Variants in APOL5 observed in about 807,000 individuals in gnomAD.
APOL5 encodes the protein apolipoprotein L5, also known as apolipoprotein L, 5.
Under a neutral mutation model 35.5 loss-of-function variants are expected in APOL5, and 29 were observed. The observed-to-expected ratio is 0.82, with a 90% CI of 0.61 to 1.11. APOL5 has a LOEUF of 1.11. APOL5 is among the 50% of genes most tolerant of loss of function. The pLI is 0.00. For synonymous variants in APOL5, 188 were observed against 200.2 expected (o/e 0.94, Z 0.51); for missense variants, 514 against 530.4 (o/e 0.97, Z 0.30).
At chr22:35,716,347 A>G (rs992886300), upstream of APOL5, among the ~76,000 whole-genome samples, 5 of 152,232 alleles carry the variant, frequency 3.3e-5, no homozygotes, top group Non-Finnish European at 7.3e-5. Context: ...ATCTCAGCTC[A>G]CTGCAACCTC....
At chr22:35,717,235 A>AAAAAAAATATATATATATATATATATAT, upstream of APOL5, among the ~76,000 whole-genome samples, 1 of 57,660 alleles carries the variant, frequency 1.7e-5, no homozygotes, top group African/African-American at 8.0e-5. Context: ...AAAAAAAAAA[A>AAAAAAAATATATATATATATATATATAT]ATATATATAT....
At chr22:35,714,704 G>C (rs934462286), upstream of APOL5, among the ~76,000 whole-genome samples, 3 of 152,182 alleles carry the variant, frequency 2.0e-5, no homozygotes, top group Non-Finnish European at 4.4e-5. Context: ...CAGGGTGTCC[G>C]ACTGAGAAGA....
intron 3 of APOL5, among the ~76,000 whole-genome samples, chr22:35,727,789 A>G (rs1446620948): frequency 6.6e-6 from 1 of 152,242 alleles, no homozygotes; most frequent in Non-Finnish European, 1.5e-5. Flanking sequence ...CGGCACTTCA[A>G]ATGAGTTGGG....
At chr22:35,727,740 C>G (rs1927220341) in intron 3 of APOL5, among the ~76,000 whole-genome samples, 1 of 152,186 alleles carries the variant, frequency 6.6e-6, no homozygotes, top group Non-Finnish European at 1.5e-5. Flanking sequence ...GCCGGAAATA[C>G]GTGTTGAATG....
At chr22:35,725,113 T>G (rs1927105026) in intron 2 of APOL5, among the ~76,000 whole-genome samples, 1 of 152,174 alleles carries the variant, frequency 6.6e-6, no homozygotes, top group Admixed American at 6.5e-5. Flanking sequence ...TGGGTTCATT[T>G]TGCCCTCTGC....
In APOL5 at chr22:35,726,320, A is replaced by T. The variant is rs151115935; in HGVS notation, c.252A>T (p.Arg84=). 4.3e-5 allele frequency: 70 copies of T among 1,614,076 alleles called. No individual in the cohort carries two copies. The highest frequency in any genetic ancestry group is 5.6e-5 in the Non-Finnish European group (66 of 1,180,042). ...ACTTTCTGTTTGAAGAGCTGATGCGATGTGACAAAGATTCCATGCCAGATG... is the reference window on the plus strand; with the variant it reads ...ACTTTCTGTTTGAAGAGCTGATGCGTTGTGACAAAGATTCCATGCCAGATG... ...LSYFLFEELM[R]CDKDSMPDGN... The change falls in exon 3 of 5, where the codon CGA becomes CGT. Residue 84 remains arginine (R), a synonymous_variant. Transcript: ENST00000249044.
At chr22:35,718,593 CAAAAAAAAA>C (rs58513283) in intron 1 of APOL5, among the ~76,000 whole-genome samples, 3 of 97,052 alleles carry the variant, frequency 3.1e-5, no homozygotes, top group Middle Eastern at 5.0e-3. Flanking sequence ...GACCCCGTCT[CAAAAAAAAA>C]AAAAAAAAAA....
At chr22:35,723,092 T>C (rs959568482) in intron 2 of APOL5, among the ~76,000 whole-genome samples, 1 of 152,152 alleles carries the variant, frequency 6.6e-6, no homozygotes, top group African/African-American at 2.4e-5. Context: ...CCAGGGCTGG[T>C]CCACTTGAGG....
intron 2 of APOL5, among the ~76,000 whole-genome samples, chr22:35,726,009 G>C (rs1462861193): frequency 1.3e-5 from 2 of 152,194 alleles, no homozygotes; most frequent in African/African-American, 4.8e-5. Flanking sequence ...CCCAAAGTTA[G>C]TTCAGCTTAT....
the APOL5 span, among the ~76,000 whole-genome samples, chr22:35,708,919 G>A: frequency 1.3e-5 from 2 of 152,154 alleles, no homozygotes; most frequent in East Asian, 1.9e-4. Context: ...CTGTGACAAC[G>A]GAGGGTGACC....
intron 1 of APOL5, among the ~76,000 whole-genome samples, chr22:35,719,573 T>A (rs771666695): frequency 3.3e-5 from 5 of 152,248 alleles, no homozygotes; most frequent in Non-Finnish European, 5.9e-5. Context: ...AAGACTTTTG[T>A]GACTTAACGA....
the APOL5 span, among the ~76,000 whole-genome samples, chr22:35,710,113 C>CTTTTTTTTTTTTT: frequency 5.8e-5 from 5 of 86,668 alleles, 1 homozygote; most frequent in African/African-American, 2.8e-4. Context: ...CTTTCTTTCT[C>CTTTTTTTTTTTTT]TTTTTTTTTT....
At chr22:35,711,391 G>GTA in the APOL5 span, among the ~76,000 whole-genome samples, 1 of 152,100 alleles carries the variant, frequency 6.6e-6, no homozygotes, top group South Asian at 2.1e-4. Flanking sequence ...ATTCTCTTGG[G>GTA]TATATATATA....
intron 1 of APOL5, among the ~76,000 whole-genome samples, chr22:35,720,271 G>T (rs1926919441): frequency 6.6e-6 from 1 of 152,212 alleles, no homozygotes; most frequent in Non-Finnish European, 1.5e-5. Context: ...TATCATTAAC[G>T]TATAACGTCA....
the APOL5 span, among the ~76,000 whole-genome samples, chr22:35,711,650 C>CCCTCCCTCCCTCTCTT: frequency 7.2e-6 from 1 of 139,028 alleles, no homozygotes; most frequent in Non-Finnish European, 1.6e-5. Context: ...TTCCTTCCCT[C>CCCTCCCTCCCTCTCTT]CCTCCCTCCC....
At chr22:35,719,741 GTGTT>G (rs58897268) in intron 1 of APOL5, among the ~76,000 whole-genome samples, 101,930 of 151,600 alleles carry the variant, frequency 0.67, 34,784 homozygotes, top group African/African-American at 0.76. Flanking sequence ...CTAGGGTTGA[GTGTT>G]TGCAGCTCCC....
chr22:35,727,985 T>A (rs961125008), intron 3 of APOL5, among the ~76,000 whole-genome samples: 1 of 152,202 alleles, frequency 6.6e-6, no homozygotes, highest in Non-Finnish European at 1.5e-5. Flanking sequence ...AAAGGACACA[T>A]AAGTGTTTGC....
chr22:35,717,557 T>C (rs1926795253), upstream of APOL5, among the ~76,000 whole-genome samples: 1 of 150,828 alleles, frequency 6.6e-6, no homozygotes, highest in Non-Finnish European at 1.5e-5. Flanking sequence ...CTGGCCATCA[T>C]GGTGAAACCC....
At chr22:35,722,795 C>A (rs1240919032) in intron 2 of APOL5, among the ~76,000 whole-genome samples, 1 of 152,190 alleles carries the variant, frequency 6.6e-6, no homozygotes, top group Non-Finnish European at 1.5e-5. Flanking sequence ...TCCCAAAGAG[C>A]CTAGATGTGT....
Sources: gnomAD v4.1 joint callset for allele counts (sites outside exome capture counted in the v4.1 genomes callset) on GRCh38, gnomAD v4.1.1 for gene constraint, MANE v1.5 for transcripts, NCBI Gene and HGNC (gene_info 2026-07-23, HGNC 2026-07-21) for gene names.